The following BCAS3 variants were observed in gnomAD, a reference collection of about 807,000 sequenced individuals.
The protein encoded by BCAS3 is BCAS3 microtubule associated cell migration factor.
Under a neutral mutation model 116.1 loss-of-function variants are expected in BCAS3, and 53 were observed. The ratio of observed to expected loss-of-function variants is 0.46; its 90% confidence interval spans 0.37 to 0.57. The LOEUF is 0.57. Among genes scored for constraint, BCAS3 ranks in the 20% least tolerant of loss-of-function variants. The pLI is 0.00. For synonymous variants in BCAS3, 391 were observed against 408.2 expected (o/e 0.96, Z 0.51); for missense variants, 917 against 1,165.4 (o/e 0.79, Z 3.10).
chr17:61,023,719 C>G lies in BCAS3; in HGVS notation c.1637+7818C>G, dbSNP rs1399698463. Among the ~76,000 whole-genome samples, 2 of 151,976 alleles carry G rather than the reference C, an allele frequency of 1.3e-5. No homozygotes were observed. The highest frequency in any genetic ancestry group is 4.2e-4 in the South Asian group (2 of 4,810). On this transcript the variant is annotated intron_variant, in intron 16 of 23. Transcript: ENST00000407086. This position sits in a 1 kb window ranked among gnomAD's most constrained non-coding sequence, Gnocchi z 4.8. The stretch of plus-strand genomic sequence containing the variant: ...ATTCTTTCCTATCTTCTGGGAGTCT[C>G]CTGAAGAAACCCTTTGAGAACTAAT...
intron 5 of BCAS3, among the ~76,000 whole-genome samples, chr17:60,722,187 A>T (rs545441264): frequency 1.3e-5 from 2 of 152,298 alleles, no homozygotes; most frequent in East Asian, 3.9e-4. Flanking sequence ...TTTTTCATGG[A>T]TGTAAACAAA....
At chr17:60,785,796 G>A (rs904631238) in intron 6 of BCAS3, among the ~76,000 whole-genome samples, 4 of 152,192 alleles carry the variant, frequency 2.6e-5, no homozygotes, top group South Asian at 2.1e-4. Flanking sequence ...CTCAGTATCT[G>A]TAGTTTCCAC....
At position 61,196,397 on chromosome 17, in the gene BCAS3, C is replaced by T. The variant is rs2080480727; in HGVS notation, c.2425+111833C>T. Among the ~76,000 whole-genome samples, 1 of 152,136 alleles carries T rather than the reference C, an allele frequency of 6.6e-6. No individual in the cohort carries two copies. Among genetic ancestry groups the T allele is most frequent in the African/African-American group, 2.4e-5 (1 of 41,418 alleles). On this transcript the variant is annotated intron_variant, in intron 22 of 23. Coordinates refer to ENST00000407086, the MANE Select transcript of BCAS3 (RefSeq NM_017679.5). This position sits in a 1 kb window ranked among gnomAD's most constrained non-coding sequence, Gnocchi z 4.7. ...ATCAGGGTCATTTCCAGTCTGTGGC[C>T]GCTAAAAATGAAAACCATGCCCCAG...
Position 61,376,534 on chromosome 17 carries a change from C to T in BCAS3, c.2593+8040C>T, listed in dbSNP as rs2059348803. Among the ~76,000 whole-genome samples the T allele has an allele frequency of 2.0e-5, 3 of 152,308 alleles. No homozygotes were observed. Among genetic ancestry groups the T allele is most frequent in the African/African-American group, 4.8e-5 (2 of 41,556 alleles). On this transcript the variant is annotated intron_variant, in intron 23 of 23. Coordinates refer to ENST00000407086, the MANE Select transcript of BCAS3 (RefSeq NM_017679.5). This position sits in a 1 kb window ranked among gnomAD's most constrained non-coding sequence, Gnocchi z 4.5. ...AGGAATCGCTCTCCTCTCCAGGATC[C>T]CCAGTGTGGCCGCCCATGAGACCCA...
chr17:60,951,165 G>A (rs183640954), intron 14 of BCAS3, among the ~76,000 whole-genome samples: 36 of 152,040 alleles, frequency 2.4e-4, no homozygotes, highest in Admixed American at 1.6e-3. Context: ...AGATTAAGTA[G>A]TTTTTCAGTA....
intron 7 of BCAS3, among the ~76,000 whole-genome samples, chr17:60,820,732 G>C (rs1482877939): frequency 1.3e-5 from 2 of 152,104 alleles, no homozygotes; most frequent in Admixed American, 6.5e-5. Context: ...AAAGAGTTGA[G>C]ACTGTTACGT....
In BCAS3 at chr17:61,377,312, C is replaced by T. The variant is rs112651161; in HGVS notation, c.2593+8818C>T. On this transcript the variant is annotated intron_variant, in intron 23 of 23. Coordinates refer to ENST00000407086, the MANE Select transcript of BCAS3 (RefSeq NM_017679.5). This position sits in a 1 kb window ranked among gnomAD's most constrained non-coding sequence, Gnocchi z 4.6. The stretch of plus-strand genomic sequence containing the variant: ...TACTCGGGACAAGAGGGAGCAGCTG[C>T]GCCAGCGAGACTGTGGGACAGCCGG... Among the ~76,000 whole-genome samples the T allele has an allele frequency of 0.016, 2,394 of 152,286 alleles. 74 individuals carry two copies. The highest frequency in any genetic ancestry group is 0.1 in the East Asian group (518 of 5,180).
At chr17:60,706,419 A>G (rs1488741134) in intron 4 of BCAS3, among the ~76,000 whole-genome samples, 1 of 152,088 alleles carries the variant, frequency 6.6e-6, no homozygotes, top group Non-Finnish European at 1.5e-5. Flanking sequence ...TCTCTTCTGT[A>G]TATTCGAAGA....
chr17:60,893,298 T>C (rs540834724), intron 10 of BCAS3, among the ~76,000 whole-genome samples: 3 of 152,336 alleles, frequency 2.0e-5, no homozygotes, highest in East Asian at 3.9e-4. Context: ...GTCTTTGTCA[T>C]AAATTCCTTG....
intron 6 of BCAS3, among the ~76,000 whole-genome samples, chr17:60,803,141 A>C (rs1347158566): frequency 2.0e-5 from 3 of 152,202 alleles, no homozygotes; most frequent in Admixed American, 1.3e-4. Context: ...TTCAATATTA[A>C]GTATTAATGT....
chr17:60,997,807 C>T (rs943345447), intron 15 of BCAS3, among the ~76,000 whole-genome samples: 22 of 152,112 alleles, frequency 1.4e-4, no homozygotes, highest in Non-Finnish European at 4.4e-5. Flanking sequence ...TCTGTAAACC[C>T]TTTATCTGTA....
At position 61,007,056 on chromosome 17, in the gene BCAS3, G is replaced by A. The variant is rs1208585838; in HGVS notation, c.1487-8695G>A. 6.6e-6 allele frequency among the ~76,000 whole-genome samples: 1 copy of A among 152,014 alleles called. No homozygotes were observed. Among genetic ancestry groups the A allele is most frequent in the East Asian group, 1.9e-4 (1 of 5,180 alleles). On this transcript the variant is annotated intron_variant, in intron 15 of 23. Coordinates refer to ENST00000407086, the MANE Select transcript of BCAS3 (RefSeq NM_017679.5). This position sits in a 1 kb window ranked among gnomAD's most constrained non-coding sequence, Gnocchi z 4.3. ...TAATAAGTAATGAACTTACCACTTT[G>A]AGGGAGGAGATTTTGTTCATTTAAC... is the stretch of plus-strand genomic sequence containing the variant.
At chr17:60,680,531 C>T (rs1435726557) in intron 2 of BCAS3, among the ~76,000 whole-genome samples, 1 of 152,064 alleles carries the variant, frequency 6.6e-6, no homozygotes, top group East Asian at 1.9e-4. Flanking sequence ...CAGAAAGTTT[C>T]AAAGTAAGTG....
chr17:60,687,054 C>T (rs937051667), intron 3 of BCAS3, among the ~76,000 whole-genome samples: 2 of 152,038 alleles, frequency 1.3e-5, no homozygotes, highest in African/African-American at 4.8e-5. Context: ...GCAAATAAGA[C>T]AACATACAGA....
chr17:60,805,857 GTT>G (rs558273934), intron 6 of BCAS3, among the ~76,000 whole-genome samples: 3 of 122,128 alleles, frequency 2.5e-5, no homozygotes, highest in Non-Finnish European at 1.7e-5. Context: ...CTCAGCCTAA[GTT>G]TTTTTTTTTT....
intron 19 of BCAS3, among the ~76,000 whole-genome samples, chr17:61,060,107 T>C (rs2069831712): frequency 6.6e-6 from 1 of 150,930 alleles, no homozygotes; most frequent in Non-Finnish European, 1.5e-5. Flanking sequence ...AAACCAGACC[T>C]AAATATATTT....
intron 22 of BCAS3, among the ~76,000 whole-genome samples, chr17:61,341,918 C>T (rs925544506): frequency 1.3e-5 from 2 of 152,204 alleles, no homozygotes; most frequent in Non-Finnish European, 2.9e-5. Flanking sequence ...GTTCCGAGGC[C>T]ACAACTTTCT....
At chr17:60,983,094 T>C (rs1435134406) in intron 14 of BCAS3, among the ~76,000 whole-genome samples, 1 of 152,238 alleles carries the variant, frequency 6.6e-6, no homozygotes, top group Non-Finnish European at 1.5e-5. Flanking sequence ...TAGTGAGTGG[T>C]ACCTGTACTT....
intron 7 of BCAS3, among the ~76,000 whole-genome samples, chr17:60,860,150 G>A (rs1283396038): frequency 6.6e-6 from 1 of 152,000 alleles, no homozygotes; most frequent in Admixed American, 6.6e-5. Context: ...CCACAACCTC[G>A]CTAGCATCTA....
Sources: allele counts gnomAD v4.1 joint callset (sites outside exome capture counted in the v4.1 genomes callset), GRCh38; gene constraint gnomAD v4.1.1; non-coding constraint Gnocchi (gnomAD v3.1); transcripts MANE v1.5; gene names NCBI Gene and HGNC (gene_info 2026-07-23, HGNC 2026-07-21).